The following SNX13 variants were observed in gnomAD, a reference collection of about 807,000 sequenced individuals.
The protein encoded by SNX13 is sorting nexin 13.
In SNX13, 45 loss-of-function variants were observed where a neutral mutation model predicts 133.6. The ratio of observed to expected loss-of-function variants is 0.34; its 90% confidence interval spans 0.27 to 0.43. The LOEUF is 0.43. Among genes scored for constraint, SNX13 ranks in the 20% least tolerant of loss-of-function variants. The pLI, the probability that SNX13 is intolerant of heterozygous loss-of-function variation, is 1.00. For synonymous variants in SNX13, 414 were observed against 373.9 expected, an observed-to-expected ratio of 1.11 and a Z score of -1.24; for missense variants, 1,032 against 1,145.1, an observed-to-expected ratio of 0.90 and a Z score of 1.43.
intron 20 of SNX13, among the ~76,000 whole-genome samples, chr7:17,808,365 A>T (rs943767659): frequency 6.6e-6 from 1 of 152,234 alleles, no homozygotes; most frequent in East Asian, 1.9e-4. Context: ...GAGATTGAAG[A>T]TCAACTTAAT....
intron 20 of SNX13, among the ~76,000 whole-genome samples, chr7:17,808,409 A>G (rs981378755): frequency 2.0e-5 from 3 of 152,226 alleles, no homozygotes; most frequent in Non-Finnish European, 4.4e-5. Context: ...TAGAGAAAAA[A>G]GAATGAAAAG....
intron 16 of SNX13, among the ~76,000 whole-genome samples, 163 bp from the exon 17 acceptor site, chr7:17,826,254 A>G (rs1293271320): frequency 6.6e-6 from 1 of 151,986 alleles, no homozygotes; most frequent in African/African-American, 2.4e-5. Context: ...AATATTTTCC[A>G]TTTAGGCTAA....
At chr7:17,836,750 CT>C (rs2128313553) in intron 13 of SNX13, among the ~76,000 whole-genome samples, 1 of 152,052 alleles carries the variant, frequency 6.6e-6, no homozygotes, top group East Asian at 1.9e-4. Context: ...ACCAATTTAA[CT>C]TTTTTTAAAA....
At chr7:17,844,095 G>T (rs1405764787) in intron 12 of SNX13, among the ~76,000 whole-genome samples, 1 of 151,896 alleles carries the variant, frequency 6.6e-6, no homozygotes, top group African/African-American at 2.4e-5. Context: ...AAACAAAAGA[G>T]AGAACAGAAA....
Position 17,919,963 on chromosome 7 carries a change from C to T in SNX13, c.12+20321G>A, listed in dbSNP as rs1379461046. ...CTAGGCAACAGTGTAAGACCCCCAT[C>T]TCTAAATAAATTAATTAAATTAATG... On this transcript the variant is annotated intron_variant, in intron 1 of 25. Transcript: ENST00000428135. Among the ~76,000 whole-genome samples the T allele has an allele frequency of 3.3e-5, 5 of 151,888 alleles. No homozygotes were observed. The East Asian group carries it at 9.6e-4, about 29-fold the overall frequency.
chr7:17,892,243 T>C (rs2127993604), intron 3 of SNX13, among the ~76,000 whole-genome samples: 2 of 152,156 alleles, frequency 1.3e-5, no homozygotes, highest in African/African-American at 4.8e-5. Flanking sequence ...AGTTATAATA[T>C]GAAACCACGG....
intron 1 of SNX13, among the ~76,000 whole-genome samples, chr7:17,913,271 T>G (rs1431438057): frequency 6.6e-6 from 1 of 152,098 alleles, no homozygotes; most frequent in African/African-American, 2.4e-5. Context: ...AATCTCTTAA[T>G]CCCCACCACT....
chr7:17,932,658 T>A (rs1405674846), intron 1 of SNX13, among the ~76,000 whole-genome samples: 1 of 152,156 alleles, frequency 6.6e-6, no homozygotes, highest in Non-Finnish European at 1.5e-5. Context: ...AGCAAATAAA[T>A]ATATACATAA....
chr7:17,842,930 T>C (rs1181327036), intron 12 of SNX13, among the ~76,000 whole-genome samples: 1 of 151,900 alleles, frequency 6.6e-6, no homozygotes, highest in Non-Finnish European at 1.5e-5. Context: ...AGAAAATGGC[T>C]ACATAATATA....
chr7:17,796,773 A>G, intron 25 of SNX13, 54 bp downstream of exon 25: 1 of 1,346,288 alleles, frequency 7.4e-7, no homozygotes, highest in South Asian at 1.2e-5. Context: ...TGAATGCTAA[A>G]AACTCAGAAG....
intron 1 of SNX13, among the ~76,000 whole-genome samples, chr7:17,915,310 C>T (rs1485099646): frequency 6.6e-6 from 1 of 152,174 alleles, no homozygotes; most frequent in African/African-American, 2.4e-5. Context: ...CATTCCTGAA[C>T]CCTTACCTAG....
intron 9 of SNX13, among the ~76,000 whole-genome samples, chr7:17,853,952 A>AG (rs1371242860): frequency 7.2e-6 from 1 of 138,276 alleles, no homozygotes; most frequent in Non-Finnish European, 1.6e-5. Context: ...AAAAAAAATA[A>AG]AAAAAGAAAA....
chr7:17,874,788 A>C (rs1426450294), intron 7 of SNX13, among the ~76,000 whole-genome samples: 1 of 152,196 alleles, frequency 6.6e-6, no homozygotes, highest in Admixed American at 6.5e-5. Flanking sequence ...CCTCAGCTAA[A>C]ACTTGTCTAG....
intron 9 of SNX13, among the ~76,000 whole-genome samples, chr7:17,861,326 CACACATACAGTTA>C (rs1792650563): frequency 7.0e-6 from 1 of 143,450 alleles, no homozygotes; most frequent in African/African-American, 2.6e-5. Flanking sequence ...ATACAGTTAT[CACACATACAGTTA>C]TCTCACACAC....
At chr7:17,863,357 CAG>C (rs1792974840) in intron 9 of SNX13, among the ~76,000 whole-genome samples, 1 of 152,066 alleles carries the variant, frequency 6.6e-6, no homozygotes, top group Non-Finnish European at 1.5e-5. Context: ...TGGTGGCCAG[CAG>C]AGTGTCTGTG....
At chr7:17,853,030 G>C (rs1791426378) in intron 9 of SNX13, among the ~76,000 whole-genome samples, 1 of 152,204 alleles carries the variant, frequency 6.6e-6, no homozygotes, top group Admixed American at 6.5e-5. Context: ...TTAAATGAAA[G>C]TGAAGGAAGT....
At chr7:17,821,750 AAGAT>A in intron 17 of SNX13, 102 bp from the exon 18 acceptor site, 1 of 1,320,498 alleles carries the variant, frequency 7.6e-7, no homozygotes, top group Admixed American at 2.4e-5. Context: ...GAAAACAAAA[AAGAT>A]AATATGAAAT....
At chr7:17,934,346 G>A (rs900234031) in intron 1 of SNX13, among the ~76,000 whole-genome samples, 1 of 152,120 alleles carries the variant, frequency 6.6e-6, no homozygotes, top group African/African-American at 2.4e-5. Context: ...CCTCATTCAG[G>A]GAAAGCTGTA....
At chr7:17,848,222 C>T (rs1032351855) in intron 11 of SNX13, among the ~76,000 whole-genome samples, 2 of 152,160 alleles carry the variant, frequency 1.3e-5, no homozygotes, top group Non-Finnish European at 2.9e-5. Context: ...CAAATGGAGA[C>T]AGCCGGACTT....
Sources: gnomAD v4.1 joint callset for allele counts (sites outside exome capture counted in the v4.1 genomes callset) on GRCh38, gnomAD v4.1.1 for gene constraint, MANE v1.5 for transcripts, NCBI Gene and HGNC (gene_info 2026-07-23, HGNC 2026-07-21) for gene names.